The following NELL1 variants were observed in gnomAD, a reference collection of about 807,000 sequenced individuals.
NELL1 encodes protein kinase C-binding protein NELL1.
In NELL1, 76 loss-of-function variants were observed where a neutral mutation model predicts 107.4. The observed-to-expected ratio is 0.71, with a 90% CI of 0.59 to 0.86. NELL1 has a LOEUF of 0.86. Among genes scored for constraint, NELL1 ranks in the 40% least tolerant of loss-of-function variants. The pLI is 0.00. For missense variants in NELL1, 1,024 were observed against 1,005.5 expected, an observed-to-expected ratio of 1.02 and a Z score of -0.25; for synonymous variants, 353 against 341.2, an observed-to-expected ratio of 1.03 and a Z score of -0.38.
intron 11 of NELL1, among the ~76,000 whole-genome samples, chr11:20,957,190 G>T (rs971657398): frequency 2.6e-5 from 4 of 152,166 alleles, no homozygotes; most frequent in Non-Finnish European, 5.9e-5. Context: ...ACCTTAAAGG[G>T]TGAATCCCTC....
At chr11:21,127,794 C>T (rs1283194044) in intron 13 of NELL1, among the ~76,000 whole-genome samples, 1 of 152,116 alleles carries the variant, frequency 6.6e-6, no homozygotes, top group East Asian at 1.9e-4. Context: ...TTTCTTTTTA[C>T]TTATTTCATA....
intron 14 of NELL1, among the ~76,000 whole-genome samples, chr11:21,318,069 T>C (rs1421603124): frequency 6.6e-6 from 1 of 152,122 alleles, no homozygotes. Flanking sequence ...AGATTTATGG[T>C]GGTATATGTC....
chr11:21,219,438 A>G (rs4923439), intron 13 of NELL1, among the ~76,000 whole-genome samples: 2,837 of 152,022 alleles, frequency 0.019, 96 homozygotes, highest in African/African-American at 0.065. Flanking sequence ...GGTTGTCTCT[A>G]TACTCTGTTG....
chr11:21,098,917 A>T (rs569247867), intron 12 of NELL1, among the ~76,000 whole-genome samples: 1 of 151,328 alleles, frequency 6.6e-6, no homozygotes, highest in East Asian at 1.9e-4. Flanking sequence ...ACATCAACAT[A>T]TATCTAAAAG....
Position 20,936,593 on chromosome 11 carries a change from A to G in NELL1, c.998-1193A>G, listed in dbSNP as rs1402822490. ...GGGGGTCTAGGTTCTTTATCTGCAA[A>G]CACAGCACTTGCCTCACTTAGTAAT... On this transcript the variant is annotated intron_variant, in intron 9 of 19. Coordinates refer to ENST00000357134, the MANE Select transcript of NELL1 (RefSeq NM_006157.5). 5.3e-5 allele frequency among the ~76,000 whole-genome samples: 8 copies of G among 152,152 alleles called. No individual in the cohort carries two copies. The East Asian group carries it at 1.5e-3, about 29-fold the overall frequency.
intron 13 of NELL1, among the ~76,000 whole-genome samples, chr11:21,203,034 C>T (rs961233267): frequency 2.0e-5 from 3 of 152,140 alleles, no homozygotes; most frequent in Non-Finnish European, 2.9e-5. Flanking sequence ...GAGTGTTTTA[C>T]TTCCAGTTAT....
intron 2 of NELL1, among the ~76,000 whole-genome samples, chr11:20,768,156 T>C (rs1186633042): frequency 6.6e-6 from 1 of 152,238 alleles, no homozygotes; most frequent in East Asian, 1.9e-4. Flanking sequence ...TTTATATTCA[T>C]GAGCTCATTT....
intron 16 of NELL1, among the ~76,000 whole-genome samples, chr11:21,554,516 G>A (rs143439671): frequency 6.6e-6 from 1 of 151,730 alleles, no homozygotes. Flanking sequence ...CAGGAGTGGT[G>A]GTACAGATTT....
chr11:20,825,390 C>T (rs1590329200), intron 3 of NELL1, among the ~76,000 whole-genome samples: 2 of 151,158 alleles, frequency 1.3e-5, no homozygotes, highest in East Asian at 3.9e-4. Flanking sequence ...TGCAGATACT[C>T]AATGCCTGCC....
chr11:21,456,377 AC>A (rs1386320417), intron 15 of NELL1, among the ~76,000 whole-genome samples: 1 of 151,942 alleles, frequency 6.6e-6, no homozygotes, highest in African/African-American at 2.4e-5. Context: ...TTCATCCATT[AC>A]AGAGAATATA....
At chr11:20,885,955 A>C (rs1404030578) in intron 5 of NELL1, among the ~76,000 whole-genome samples, 2 of 152,224 alleles carry the variant, frequency 1.3e-5, no homozygotes, top group East Asian at 3.9e-4. Context: ...CTAGATATGA[A>C]AAATACATCT....
chr11:21,564,531 T>C (rs1564963380), intron 17 of NELL1, among the ~76,000 whole-genome samples: 1 of 151,962 alleles, frequency 6.6e-6, no homozygotes, highest in Non-Finnish European at 1.5e-5. Context: ...CTTATACCTA[T>C]ACTATTTTGA....
intron 12 of NELL1, among the ~76,000 whole-genome samples, chr11:21,020,103 T>C (rs932889841): frequency 6.6e-6 from 1 of 152,140 alleles, no homozygotes; most frequent in African/African-American, 2.4e-5. Flanking sequence ...ATTCATCTTA[T>C]ATGGTTATAT....
At chr11:21,363,888 G>A (rs1385640020) in intron 14 of NELL1, among the ~76,000 whole-genome samples, 2 of 152,152 alleles carry the variant, frequency 1.3e-5, no homozygotes, top group East Asian at 1.9e-4. Flanking sequence ...AAAATGAAAT[G>A]CAGAGGAATG....
chr11:20,968,255 A>G (rs560979894), intron 12 of NELL1, among the ~76,000 whole-genome samples: 10 of 152,320 alleles, frequency 6.6e-5, no homozygotes, highest in South Asian at 4.1e-4. Flanking sequence ...CCTTTGGAAT[A>G]TAAACTGCAT....
At chr11:21,459,604 T>C (rs1169166372) in intron 15 of NELL1, among the ~76,000 whole-genome samples, 1 of 150,390 alleles carries the variant, frequency 6.6e-6, no homozygotes, top group African/African-American at 2.5e-5. Flanking sequence ...GTTATATATA[T>C]GGTCAGATAG....
At chr11:21,062,414 A>G (rs1366666289) in intron 12 of NELL1, among the ~76,000 whole-genome samples, 1 of 152,196 alleles carries the variant, frequency 6.6e-6, no homozygotes, top group Non-Finnish European at 1.5e-5. Context: ...AGAAGCTTCC[A>G]TTCTCCCTTA....
chr11:20,889,431 T>A (rs1195362465), intron 5 of NELL1, among the ~76,000 whole-genome samples: 1 of 152,144 alleles, frequency 6.6e-6, no homozygotes, highest in Non-Finnish European at 1.5e-5. Flanking sequence ...AAGACATTAG[T>A]AGAGAAATGA....
chr11:21,323,905 G>T (rs937958058), intron 14 of NELL1, among the ~76,000 whole-genome samples: 4 of 152,030 alleles, frequency 2.6e-5, no homozygotes, highest in African/African-American at 9.7e-5. Context: ...ATGATATTAG[G>T]TGTTTACTGT....
Sources: allele counts gnomAD v4.1 joint callset (sites outside exome capture counted in the v4.1 genomes callset), GRCh38; gene constraint gnomAD v4.1.1; transcripts MANE v1.5; gene names NCBI Gene and HGNC (gene_info 2026-07-23, HGNC 2026-07-21).